Variants in GUCY2C observed in about 807,000 individuals in gnomAD.
GUCY2C encodes guanylate cyclase 2C, also known as guanylyl cyclase C.
Under a neutral mutation model 131.1 loss-of-function variants are expected in GUCY2C, and 118 were observed. The observed-to-expected ratio is 0.90, with a 90% CI of 0.78 to 1.05. The LOEUF is 1.05. Ranked by LOEUF, GUCY2C falls within the 50% of genes least tolerant of loss-of-function variation. GUCY2C has a pLI of 0.00. For synonymous variants in GUCY2C, 452 were observed against 457.8 expected, an observed-to-expected ratio of 0.99 and a Z score of 0.16; for missense variants, 1,161 against 1,304.4, an observed-to-expected ratio of 0.89 and a Z score of 1.69.
intron 20 of GUCY2C, 69 bp from the exon 21 acceptor site, chr12:14,625,984 G>A: frequency 8.0e-6 from 7 of 873,254 alleles, no homozygotes; most frequent in South Asian, 1.6e-5. Context: ...ATAAAACAAT[G>A]GACAAATATG....
intron 17 of GUCY2C, among the ~76,000 whole-genome samples, chr12:14,643,173 G>A (rs1947443303): frequency 6.6e-6 from 1 of 152,150 alleles, no homozygotes. Flanking sequence ...AATGGGAAAT[G>A]GGTCTTCTGG....
intron 1 of GUCY2C, among the ~76,000 whole-genome samples, chr12:14,694,576 G>A (rs1948625394): frequency 6.6e-6 from 1 of 152,184 alleles, no homozygotes; most frequent in Non-Finnish European, 1.5e-5. Context: ...CAAATCAAGT[G>A]TTCTTTCCAT....
intron 19 of GUCY2C, among the ~76,000 whole-genome samples, chr12:14,633,665 T>TAA (rs71038616): frequency 0.019 from 2,902 of 151,102 alleles, 42 homozygotes; most frequent in Non-Finnish European, 0.028. Flanking sequence ...TACAAAGAAA[T>TAA]AAAAAAAATT....
intron 23 of GUCY2C, 89 bp from the exon 24 acceptor site, chr12:14,619,398 T>A: frequency 1.3e-6 from 1 of 771,770 alleles, no homozygotes; most frequent in Non-Finnish European, 2.3e-6. Context: ...ATGGTCACAA[T>A]CCTGAATACT....
At chr12:14,630,620 G>A (rs550309022) in intron 19 of GUCY2C, among the ~76,000 whole-genome samples, 1 of 152,234 alleles carries the variant, frequency 6.6e-6, no homozygotes, top group African/African-American at 2.4e-5. Flanking sequence ...ATGTATGCAG[G>A]TTATATGCAC....
At chr12:14,662,244 A>C (rs1372210679) in intron 10 of GUCY2C, among the ~76,000 whole-genome samples, 2 of 152,224 alleles carry the variant, frequency 1.3e-5, no homozygotes, top group East Asian at 1.9e-4. Flanking sequence ...CAGGAATTCT[A>C]AGGAAAAAAT....
chr12:14,623,428 A>G (rs947283489), intron 21 of GUCY2C, among the ~76,000 whole-genome samples: 3 of 152,240 alleles, frequency 2.0e-5, no homozygotes, highest in Non-Finnish European at 4.4e-5. Context: ...GGAACCTTTG[A>G]AAAACATTCC....
intron 5 of GUCY2C, among the ~76,000 whole-genome samples, chr12:14,680,992 G>A (rs1447143233): frequency 6.6e-6 from 1 of 152,114 alleles, no homozygotes; most frequent in East Asian, 1.9e-4. Context: ...GGCTCAGAAT[G>A]TGTGAAGATT....
intron 15 of GUCY2C, among the ~76,000 whole-genome samples, chr12:14,646,513 A>G (rs751931364): frequency 4.3e-4 from 65 of 152,318 alleles, no homozygotes; most frequent in Non-Finnish European, 6.6e-4. Flanking sequence ...TGTAAAAAGC[A>G]TATTATTCTG....
At chr12:14,688,305 A>G (rs927890299) in intron 1 of GUCY2C, among the ~76,000 whole-genome samples, 2 of 152,012 alleles carry the variant, frequency 1.3e-5, no homozygotes, top group East Asian at 1.9e-4. Flanking sequence ...TAATTTATCT[A>G]TCATAAAAAT....
chr12:14,684,929 G>A lies in GUCY2C; in HGVS notation c.395+1232C>T, dbSNP rs553809047. On this transcript the variant is annotated intron_variant, in intron 3 of 26. Transcript: ENST00000261170. ...TGGGCTCAAGGGATCCTCCTGCTTCGGCCTCCCAAAGCCCTGGCATTACAG... is the reference window on the plus strand; with the variant it reads ...TGGGCTCAAGGGATCCTCCTGCTTCAGCCTCCCAAAGCCCTGGCATTACAG... Among the ~76,000 whole-genome samples the A allele has an allele frequency of 8.2e-4, 124 of 151,926 alleles. 1 individual carries two copies. The highest frequency in any genetic ancestry group is 2.9e-3 in the African/African-American group (119 of 41,410).
In GUCY2C at chr12:14,679,674, A is replaced by G; in HGVS notation, c.813T>C (p.Ile271=). 1 of 1,558,970 alleles carries G rather than the reference A, an allele frequency of 6.4e-7. No individual in the cohort carries two copies. The highest frequency in any genetic ancestry group is 8.9e-7 in the Non-Finnish European group (1 of 1,129,542). Residue 271 remains isoleucine, a synonymous_variant, in exon 6 of 27, where the codon ATT becomes ATC. Coordinates refer to ENST00000261170, the MANE Select transcript of GUCY2C (RefSeq NM_004963.4). ...DRAVAEDIVI[I]LVDLFNDQYF... The stretch of plus-strand genomic sequence containing the variant: ...ATACCTACTTGAAAAGATCCACTAG[A>G]ATAATGACAATGTCTTCAGCCACTG...
At chr12:14,686,523 G>A (rs1948474101) in intron 2 of GUCY2C, among the ~76,000 whole-genome samples, 1 of 152,196 alleles carries the variant, frequency 6.6e-6, no homozygotes, top group African/African-American at 2.4e-5. Context: ...GGACTGGGAG[G>A]CTGTAGCATT....
chr12:14,648,666 C>T (rs1947576528), intron 15 of GUCY2C, among the ~76,000 whole-genome samples: 2 of 152,274 alleles, frequency 1.3e-5, no homozygotes, highest in South Asian at 4.1e-4. Context: ...CATATGTATT[C>T]CCATTACAAT....
intron 13 of GUCY2C, 60 bp downstream of exon 13, chr12:14,652,892 A>G: frequency 9.4e-7 from 1 of 1,062,348 alleles, no homozygotes; most frequent in Non-Finnish European, 1.5e-6. Context: ...CAGGGCAATG[A>G]GGGGTCAAAA....
intron 19 of GUCY2C, 51 bp downstream of exon 19, chr12:14,639,811 A>G (rs1947355871): frequency 9.0e-7 from 1 of 1,114,722 alleles, no homozygotes; most frequent in South Asian, 1.3e-5. Context: ...CATTACATTT[A>G]TGGTAATTTT....
chr12:14,613,210 T>C lies in GUCY2C; in HGVS notation c.3129A>G (p.Arg1043=). The C allele has an allele frequency of 6.2e-7, 1 of 1,613,584 alleles. No homozygotes were observed. Among genetic ancestry groups the C allele is most frequent in the Non-Finnish European group, 8.5e-7 (1 of 1,179,584 alleles). Residue 1043 remains arginine, a synonymous_variant, in exon 27 of 27, where the codon AGA becomes AGG. Coordinates refer to ENST00000261170, the MANE Select transcript of GUCY2C (RefSeq NM_004963.4). The surrounding 1 kb of genome is among the most constrained non-coding windows in gnomAD (Gnocchi z 4.9). The part of the protein sequence containing the change: ...SLQKRQAAGI[R]SQKPRRVASY... Reference sequence around the variant, plus strand: ...TGGCTACCCGTCTGGGTTTTTGGCTTCTTATCCCTGCTGCCTGTCTTTTCT... The same window carrying C: ...TGGCTACCCGTCTGGGTTTTTGGCTCCTTATCCCTGCTGCCTGTCTTTTCT...
chr12:14,622,252 T>G, intron 21 of GUCY2C, 55 bp from the exon 22 acceptor site: 1 of 1,157,400 alleles, frequency 8.6e-7, no homozygotes, highest in South Asian at 1.8e-5. Context: ...TTCTTCTTGT[T>G]TCACATAAAT....
intron 10 of GUCY2C, among the ~76,000 whole-genome samples, chr12:14,666,697 T>C (rs538631907): frequency 1.4e-5 from 2 of 146,742 alleles, no homozygotes; most frequent in Non-Finnish European, 3.0e-5. Flanking sequence ...ATTGCACCAC[T>C]GTACTCCAGC....
Sources: allele counts gnomAD v4.1 joint callset (sites outside exome capture counted in the v4.1 genomes callset), GRCh38; gene constraint gnomAD v4.1.1; non-coding constraint Gnocchi (gnomAD v3.1); transcripts MANE v1.5; gene names NCBI Gene and HGNC (gene_info 2026-07-23, HGNC 2026-07-21).